The following RANBP17 variants were observed in gnomAD, a reference collection of about 807,000 sequenced individuals.
The protein encoded by RANBP17 is RAN binding protein 17.
In RANBP17, 158 loss-of-function variants were observed where a neutral mutation model predicts 141.2. The ratio of observed to expected loss-of-function variants is 1.12; its 90% CI spans 0.98 to 1.28. The LOEUF (loss-of-function observed/expected upper bound fraction) is 1.28. Ranked by LOEUF, RANBP17 falls within the 50% of genes most tolerant of loss-of-function variation. RANBP17 has a pLI of 0.00. For missense variants in RANBP17, 1,438 were observed against 1,290.7 expected (o/e 1.11, Z -1.75); for synonymous variants, 430 against 450.0 (o/e 0.96, Z 0.56).
Position 171,153,066 on chromosome 5 carries a change from G to T in RANBP17, c.1711-17064G>T, listed in dbSNP as rs190096304. On this transcript the variant is annotated intron_variant, in intron 14 of 27. Transcript: ENST00000523189. ...TTTGAGATTCTTGAGGAAAGGGGCA[G>T]TGTCTATACATATCTTGTATCTGTC... Among the ~76,000 whole-genome samples the T allele has an allele frequency of 2.4e-3, 358 of 152,326 alleles. 3 individuals are homozygous for T. Among genetic ancestry groups the T allele is most frequent in the Non-Finnish European group, 2.7e-3 (182 of 68,026 alleles).
intron 22 of RANBP17, among the ~76,000 whole-genome samples, chr5:171,223,237 G>A (rs1283050969): frequency 1.3e-5 from 2 of 152,138 alleles, no homozygotes; most frequent in Admixed American, 1.3e-4. Flanking sequence ...ACTAGAGAAA[G>A]CACCTGTATA....
At chr5:171,051,418 A>C (rs532115201) in intron 14 of RANBP17, among the ~76,000 whole-genome samples, 1 of 152,240 alleles carries the variant, frequency 6.6e-6, no homozygotes, top group African/African-American at 2.4e-5. Flanking sequence ...CCTTGAAGAT[A>C]ATACTAATCT....
chr5:171,187,128 C>T (rs186447692), intron 18 of RANBP17, among the ~76,000 whole-genome samples: 2 of 152,146 alleles, frequency 1.3e-5, no homozygotes, highest in African/African-American at 4.8e-5. Flanking sequence ...TGTTGTGTCT[C>T]AGAAAATAGA....
At chr5:171,129,096 A>G (rs922444307) in intron 14 of RANBP17, among the ~76,000 whole-genome samples, 1 of 152,100 alleles carries the variant, frequency 6.6e-6, no homozygotes, top group East Asian at 1.9e-4. Flanking sequence ...ACCATTCTCT[A>G]TTACAGAGCC....
At chr5:170,986,657 A>G (rs1476153071) in intron 14 of RANBP17, among the ~76,000 whole-genome samples, 1 of 151,876 alleles carries the variant, frequency 6.6e-6, no homozygotes, top group Non-Finnish European at 1.5e-5. Context: ...CAAATTGTCC[A>G]AAATAAAAAC....
At chr5:171,137,572 A>ATG (rs140713117) in intron 14 of RANBP17, among the ~76,000 whole-genome samples, 10,782 of 140,714 alleles carry the variant, frequency 0.077, 661 homozygotes, top group East Asian at 0.16. Context: ...TTGACTTGAG[A>ATG]TGTGTGTGTG....
At chr5:171,066,463 T>G (rs1277956645) in intron 14 of RANBP17, among the ~76,000 whole-genome samples, 1 of 152,214 alleles carries the variant, frequency 6.6e-6, no homozygotes, top group East Asian at 1.9e-4. Flanking sequence ...ACATAATGTC[T>G]TCCAAGTTCA....
At chr5:170,904,696 A>G (rs1048407755) in intron 5 of RANBP17, among the ~76,000 whole-genome samples, 2 of 152,180 alleles carry the variant, frequency 1.3e-5, no homozygotes, top group Non-Finnish European at 2.9e-5. Context: ...CTCCCTTTCT[A>G]AAATTGAGAG....
In RANBP17 at chr5:170,872,872, G is replaced by C. The variant is rs533408067; in HGVS notation, c.19-5225G>C. Among the ~76,000 whole-genome samples, 2 of 152,178 alleles carry C rather than the reference G, an allele frequency of 1.3e-5. 1 individual carries two copies. The highest frequency in any genetic ancestry group is 4.2e-4 in the South Asian group (2 of 4,816). Reference sequence around the variant, plus strand: ...TATGTTGAACCAGCTTTGCATCCCAGGGATGAAGTCGACTTGATTGTAGTA... The same window carrying C: ...TATGTTGAACCAGCTTTGCATCCCACGGATGAAGTCGACTTGATTGTAGTA... On this transcript the variant is annotated intron_variant, in intron 1 of 27. Transcript: ENST00000523189.
chr5:170,962,693 T>C (rs1318657393), intron 13 of RANBP17, among the ~76,000 whole-genome samples: 1 of 152,102 alleles, frequency 6.6e-6, no homozygotes, highest in Non-Finnish European at 1.5e-5. Flanking sequence ...ACACATCCTA[T>C]TAGGAAAAAA....
chr5:171,261,090 C>CA (rs11388391), intron 24 of RANBP17, among the ~76,000 whole-genome samples: 55,629 of 68,644 alleles, frequency 0.81, 22,846 homozygotes, highest in Middle Eastern at 0.88. Context: ...CCACCCCCCC[C>CA]AAAAAAAAAA....
intron 6 of RANBP17, chr5:170,910,598 A>T (rs1387040367): frequency 5.7e-6 from 1 of 175,170 alleles, no homozygotes; most frequent in African/African-American, 2.4e-5. Flanking sequence ...TTATTCTTCA[A>T]GCAGAATCCC....
At position 171,241,205 on chromosome 5, in the gene RANBP17, G is replaced by C. The variant is rs1035987471; in HGVS notation, c.2637+63G>C. 7.2e-6 allele frequency: 9 copies of C among 1,241,670 alleles called. No homozygotes were observed. In the African/African-American group the frequency reaches 1.3e-4, roughly 18 times the overall value. The allele number at this position is 1,241,670 out of a possible 1,614,324, so 76.9% of individuals were successfully genotyped here. A position where few individuals can be genotyped will look rare whatever the true frequency, so the allele number is the denominator to read the frequency against. On this transcript the variant is annotated intron_variant, in intron 23 of 27. Transcript: ENST00000523189. ...TGTGAAGTAACACCACCACAGGCCT[G>C]GAAGTGTTATAATGAAGCCCAGGGA...
At chr5:171,046,076 CA>C (rs1223947928) in intron 14 of RANBP17, among the ~76,000 whole-genome samples, 1 of 152,164 alleles carries the variant, frequency 6.6e-6, no homozygotes, top group Non-Finnish European at 1.5e-5. Context: ...CAAATTATAG[CA>C]ACACTAATAT....
At chr5:171,090,410 A>G (rs930529519) in intron 14 of RANBP17, among the ~76,000 whole-genome samples, 8 of 152,234 alleles carry the variant, frequency 5.3e-5, no homozygotes, top group African/African-American at 1.7e-4. Context: ...AGCATTCAAG[A>G]GGTGACTTGG....
At chr5:170,868,410 G>C (rs1767447295) in intron 1 of RANBP17, among the ~76,000 whole-genome samples, 1 of 148,798 alleles carries the variant, frequency 6.7e-6, no homozygotes, top group Non-Finnish European at 1.5e-5. Flanking sequence ...TACCACACCT[G>C]GCTGATTTTG....
intron 14 of RANBP17, among the ~76,000 whole-genome samples, chr5:171,123,299 C>G (rs1256706687): frequency 1.3e-5 from 2 of 152,196 alleles, no homozygotes; most frequent in African/African-American, 4.8e-5. Context: ...GCCCTGCTCA[C>G]CATCACTGCT....
intron 25 of RANBP17, among the ~76,000 whole-genome samples, chr5:171,273,254 C>G (rs1304020175): frequency 2.6e-5 from 4 of 152,194 alleles, no homozygotes; most frequent in African/African-American, 9.7e-5. Context: ...TGGTTGTAAA[C>G]TGCTTCTGTT....
chr5:171,185,674 T>C (rs1353269962), intron 18 of RANBP17, among the ~76,000 whole-genome samples: 1 of 152,234 alleles, frequency 6.6e-6, no homozygotes, highest in African/African-American at 2.4e-5. Context: ...CTTCTAATTA[T>C]AGGTCTCTTG....
Sources: gnomAD v4.1 joint callset for allele counts (sites outside exome capture counted in the v4.1 genomes callset) on GRCh38, gnomAD v4.1.1 for gene constraint, MANE v1.5 for transcripts, NCBI Gene and HGNC (gene_info 2026-07-23, HGNC 2026-07-21) for gene names.